XPNPEP3: variants seen among roughly 807,000 people sequenced by gnomAD.
XPNPEP3 encodes X-prolyl aminopeptidase 3, also known as xaa-Pro aminopeptidase 3.
A neutral mutation model predicts 60.0 loss-of-function variants in XPNPEP3; 41 were observed. The observed-to-expected ratio is 0.68, with a 90% CI of 0.53 to 0.89. XPNPEP3 has a LOEUF of 0.89. Ranked by LOEUF, XPNPEP3 falls within the 40% of genes least tolerant of loss-of-function variation. XPNPEP3 has a pLI of 0.00. For missense variants in XPNPEP3, 598 were observed against 638.9 expected, an observed-to-expected ratio of 0.94 and a Z score of 0.69; for synonymous variants, 212 against 223.2, an observed-to-expected ratio of 0.95 and a Z score of 0.45.
At position 40,926,445 on chromosome 22, in the gene XPNPEP3, C is replaced by T. The variant is rs766593581; in HGVS notation, c.*10C>T. The T allele has an allele frequency of 2.0e-5, 32 of 1,613,814 alleles. No individual in the cohort carries two copies. Among genetic ancestry groups the T allele is most frequent in the African/African-American group, 2.7e-5 (2 of 74,886 alleles). ...CAGCCAGGCTTCTTGACCTTCACTG[C>T]GGCCCACATGCACCTCAGGTTCAAA... On this transcript the variant is annotated 3_prime_UTR_variant, in exon 10 of 10. Transcript: ENST00000357137.
Position 40,862,776 on chromosome 22 carries a change from A to T in XPNPEP3, c.64+5531A>T. ...TGGAAAGTTGTGTGTTTATGTATTC[A>T]CTGTATAATTATTGATTGTCTACTT... On this transcript the variant is annotated intron_variant, in intron 1 of 9. Coordinates refer to ENST00000357137, the MANE Select transcript of XPNPEP3 (RefSeq NM_022098.4). The T allele has an allele frequency of 3.0e-6, 3 of 984,440 alleles. No individual in the cohort carries two copies. In the African/African-American group the frequency reaches 5.2e-5, roughly 17 times the overall value. 61.0% of individuals were successfully genotyped at this position (984,440 alleles called of 1,614,324 possible).
In XPNPEP3 at chr22:40,931,417, T is replaced by G. The variant is rs1278218369; in HGVS notation, c.*4982T>G. 1.3e-5 allele frequency: 2 copies of G among 152,162 alleles called. No homozygotes were observed. 9.4% of individuals were successfully genotyped at this position (152,162 alleles called of 1,614,324 possible). A position where few individuals can be genotyped will look rare whatever the true frequency, so the allele number is the denominator to read the frequency against. On this transcript the variant is annotated 3_prime_UTR_variant, in exon 10 of 10. Transcript: ENST00000357137. ...GTTCTTTATTTGAAACACAACAGTATAAATACTATAGTAAAGTTGGGTGCA... is the reference window on the plus strand; with the variant it reads ...GTTCTTTATTTGAAACACAACAGTAGAAATACTATAGTAAAGTTGGGTGCA...
At chr22:40,889,993 A>G (rs1213026152) in intron 4 of XPNPEP3, among the ~76,000 whole-genome samples, 2 of 152,192 alleles carry the variant, frequency 1.3e-5, no homozygotes, top group Admixed American at 6.5e-5. Context: ...TTCATGGTAT[A>G]TATCTGCTGA....
intron 4 of XPNPEP3, among the ~76,000 whole-genome samples, chr22:40,897,380 G>A (rs776600498): frequency 1.3e-5 from 2 of 151,984 alleles, no homozygotes; most frequent in Non-Finnish European, 2.9e-5. Flanking sequence ...CATCTTTTGG[G>A]CTATGGTGAC....
intron 8 of XPNPEP3, 90 bp from the exon 9 acceptor site, chr22:40,924,269 GATA>G (rs2058226806): frequency 1.3e-6 from 2 of 1,560,778 alleles, no homozygotes; most frequent in African/African-American, 2.7e-5. Flanking sequence ...CCATGGGGGA[GATA>G]ATAACACATA....
chr22:40,886,214 T>C, intron 3 of XPNPEP3, 99 bp from the exon 4 acceptor site: 1 of 1,213,614 alleles, frequency 8.2e-7, no homozygotes, highest in South Asian at 1.2e-5. Context: ...ACGTTACAGG[T>C]TTTATAGTTT....
At chr22:40,889,304 C>T (rs2058080654) in intron 4 of XPNPEP3, among the ~76,000 whole-genome samples, 1 of 152,140 alleles carries the variant, frequency 6.6e-6, no homozygotes, top group African/African-American at 2.4e-5. Flanking sequence ...AGATCACAGG[C>T]ATGAGCCAAC....
chr22:40,857,491 A>T (rs111280802), intron 1 of XPNPEP3, among the ~76,000 whole-genome samples: 4 of 152,376 alleles, frequency 2.6e-5, no homozygotes, highest in African/African-American at 9.6e-5. Context: ...CATCCCCCAG[A>T]GGGGCTGTCT....
At chr22:40,871,950 T>C (rs2058007572) in intron 2 of XPNPEP3, among the ~76,000 whole-genome samples, 1 of 152,094 alleles carries the variant, frequency 6.6e-6, no homozygotes, top group South Asian at 2.1e-4. Flanking sequence ...GGAGAATCAC[T>C]TGAACCTGGG....
chr22:40,912,167 TTTTAA>T (rs2058179606), intron 6 of XPNPEP3, among the ~76,000 whole-genome samples: 1 of 152,156 alleles, frequency 6.6e-6, no homozygotes, highest in African/African-American at 2.4e-5. Flanking sequence ...ATTTTCTCAG[TTTTAA>T]TTTCTTAGTG....
chr22:40,903,730 T>C (rs2058143750), intron 4 of XPNPEP3, among the ~76,000 whole-genome samples: 1 of 152,058 alleles, frequency 6.6e-6, no homozygotes, highest in Non-Finnish European at 1.5e-5. Context: ...CCTCGTTATC[T>C]ACCTGCCTCA....
chr22:40,902,246 ATTT>A (rs140967240), intron 4 of XPNPEP3, among the ~76,000 whole-genome samples: 6 of 64,358 alleles, frequency 9.3e-5, no homozygotes, highest in Non-Finnish European at 1.4e-4. Context: ...TGCCTGGCTA[ATTT>A]TTTTTTTTTT....
chr22:40,885,448 T>C (rs2058065026), intron 3 of XPNPEP3, among the ~76,000 whole-genome samples: 1 of 152,196 alleles, frequency 6.6e-6, no homozygotes, highest in African/African-American at 2.4e-5. Flanking sequence ...ACAAAGAGAA[T>C]GTATAGCAGA....
At chr22:40,893,001 C>T (rs912145055) in intron 4 of XPNPEP3, among the ~76,000 whole-genome samples, 3 of 151,082 alleles carry the variant, frequency 2.0e-5, no homozygotes, top group East Asian at 1.9e-4. Flanking sequence ...TTTGTAAAAC[C>T]GTTATCTTAA....
chr22:40,900,808 C>T (rs949630655), intron 4 of XPNPEP3, among the ~76,000 whole-genome samples: 1 of 151,670 alleles, frequency 6.6e-6, no homozygotes, highest in Non-Finnish European at 1.5e-5. Context: ...TGGCATGTTC[C>T]TGTAATTTCA....
chr22:40,867,789 G>T (rs2057985971), intron 1 of XPNPEP3, among the ~76,000 whole-genome samples: 1 of 152,046 alleles, frequency 6.6e-6, no homozygotes, highest in African/African-American at 2.4e-5. Context: ...CCAAACTGTT[G>T]GAGATGGATA....
At position 40,907,567 on chromosome 22, in the gene XPNPEP3, A is replaced by G. The variant is rs2058161246; in HGVS notation, c.793-20A>G. On this transcript the variant is annotated intron_variant, in intron 4 of 9. Transcript: ENST00000357137. ...CATAGAATGAGATCGTGTTCTTTTC[A>G]TCCTCCTTTCTCTTTGCAGGCTTTC... 6.2e-7 allele frequency: 1 copy of G among 1,611,118 alleles called. No individual in the cohort carries two copies. Among genetic ancestry groups the G allele is most frequent in the Admixed American group, 1.7e-5 (1 of 60,004 alleles).
At chr22:40,924,590 C>G in intron 9 of XPNPEP3, 108 bp downstream of exon 9, 1 of 1,476,220 alleles carries the variant, frequency 6.8e-7, no homozygotes. Context: ...GTGGTGTGAT[C>G]TTCACTCACT....
chr22:40,873,410 T>C (rs974503391), intron 2 of XPNPEP3, among the ~76,000 whole-genome samples: 3 of 151,786 alleles, frequency 2.0e-5, no homozygotes, highest in African/African-American at 7.3e-5. Flanking sequence ...GCCCACTTCT[T>C]GGTTTTCAAC....
Sources: gnomAD v4.1 joint callset for allele counts (sites outside exome capture counted in the v4.1 genomes callset) on GRCh38, gnomAD v4.1.1 for gene constraint, MANE v1.5 for transcripts, NCBI Gene and HGNC (gene_info 2026-07-23, HGNC 2026-07-21) for gene names.